The following NRIP3 variants were observed in gnomAD, a reference collection of about 807,000 sequenced individuals.
NRIP3 encodes the protein nuclear receptor interacting protein 3, also known as nuclear receptor-interacting protein 3.
NRIP3 carries 31 observed loss-of-function variants against 29.0 expected under a neutral mutation model. The ratio of observed to expected loss-of-function variants is 1.07; its 90% CI spans 0.80 to 1.44. The LOEUF (loss-of-function observed/expected upper bound fraction) is 1.44. Ranked by LOEUF, NRIP3 falls within the 40% of genes most tolerant of loss-of-function variation. The probability of loss-of-function intolerance (pLI) is 0.00; values close to 1 mark genes in which losing one functional copy is unlikely to be tolerated. For synonymous variants in NRIP3, 131 were observed against 118.3 expected (o/e 1.11, Z -0.70); for missense variants, 314 against 297.9 (o/e 1.05, Z -0.40).
At position 8,985,071 on chromosome 11, in the gene NRIP3, G is replaced by A. The variant is rs1050701919; in HGVS notation, c.562+640C>T. Among the ~76,000 whole-genome samples, 4 of 151,590 alleles carry A rather than the reference G, an allele frequency of 2.6e-5. 1 individual carries two copies. The highest frequency in any genetic ancestry group is 4.2e-4 in the South Asian group (2 of 4,810). Reference sequence around the variant, plus strand: ...TCTCCATGTTGGTCAGGCTGGTCTCGAACTCCCAACCTCAGGTGATCTGCC... The same window carrying A: ...TCTCCATGTTGGTCAGGCTGGTCTCAAACTCCCAACCTCAGGTGATCTGCC... On this transcript the variant is annotated intron_variant, in intron 4 of 6. Transcript: ENST00000309166.
rs1854451926 is a variant in NRIP3 at position 8,983,315 on chromosome 11, T to C, written c.*230A>G. The C allele has an allele frequency of 3.4e-6, 2 of 582,124 alleles. No individual in the cohort carries two copies. The highest frequency in any genetic ancestry group is 5.9e-5 in the East Asian group (2 of 34,122). The allele number at this position is 582,124 out of a possible 1,614,324, so 36.1% of individuals were successfully genotyped here. Reference sequence around the variant, plus strand: ...GACTGGCAGTGTCAAAAAAGGTCTATAAGTTAAGTGATCAAAGTAGTAAAA... The same window carrying C: ...GACTGGCAGTGTCAAAAAAGGTCTACAAGTTAAGTGATCAAAGTAGTAAAA... On this transcript the variant is annotated 3_prime_UTR_variant, in exon 7 of 7. Transcript: ENST00000309166.
At position 8,988,112 on chromosome 11, in the gene NRIP3, C is replaced by T. The variant is rs773105839; in HGVS notation, c.339+6G>A. On this transcript the variant is annotated splice_donor_region_variant and intron_variant, in intron 2 of 6. Transcript: ENST00000309166. Reference sequence around the variant, plus strand: ...AACCCTGGAAAAGCTGTTCTCAGAACATTACCTGGCAAGAAACCAAAATCA... The same window carrying T: ...AACCCTGGAAAAGCTGTTCTCAGAATATTACCTGGCAAGAAACCAAAATCA... The T allele has an allele frequency of 1.9e-6, 3 of 1,613,828 alleles. No homozygotes were observed. The highest frequency in any genetic ancestry group is 1.6e-4 in the Middle Eastern group (1 of 6,062).
chr11:8,992,330 G>A (rs1175980427), intron 1 of NRIP3, among the ~76,000 whole-genome samples: 1 of 152,194 alleles, frequency 6.6e-6, no homozygotes, highest in Non-Finnish European at 1.5e-5. Flanking sequence ...TAGGCTTTCA[G>A]ATTTCGAGAA....
chr11:8,991,414 A>G (rs1234446829), intron 1 of NRIP3, among the ~76,000 whole-genome samples: 1 of 152,248 alleles, frequency 6.6e-6, no homozygotes, highest in Non-Finnish European at 1.5e-5. Flanking sequence ...CAACAAACCC[A>G]TATGAACCTC....
intron 4 of NRIP3, 27 bp from the exon 5 acceptor site, chr11:8,984,151 AT>A: frequency 1.3e-6 from 2 of 1,534,186 alleles, no homozygotes; most frequent in African/African-American, 1.4e-5. Flanking sequence ...AATGATTAAG[AT>A]TTAGCCATTT....
intron 1 of NRIP3, among the ~76,000 whole-genome samples, chr11:8,995,343 T>C (rs945702087): frequency 2.0e-5 from 3 of 152,212 alleles, no homozygotes; most frequent in African/African-American, 7.2e-5. Context: ...GAGCATTACT[T>C]TTCTCCAAAC....
chr11:9,003,661 G>C (rs1479226483), intron 1 of NRIP3, 101 bp downstream of exon 1: 5 of 1,171,732 alleles, frequency 4.3e-6, no homozygotes, highest in Non-Finnish European at 5.6e-6. Flanking sequence ...GGGCAGCGGC[G>C]GGCCGGGCCG....
rs1419200196 is a variant in NRIP3, at chr11:8,995,449, GT to G, written c.175-7168del. Among the ~76,000 whole-genome samples, 15 of 152,302 alleles carry G rather than the reference GT, an allele frequency of 9.8e-5. No homozygotes were observed. In the South Asian group the frequency reaches 1.9e-3, roughly 19 times the overall value. ...AATTCCTTTCCAACAACCTTGGTAA[GT>G]GGCACCACCATACATCCATTCTTGA... On this transcript the variant is annotated intron_variant, in intron 1 of 6. Transcript: ENST00000309166.
intron 1 of NRIP3, among the ~76,000 whole-genome samples, chr11:9,002,191 C>A (rs1854815485): frequency 6.6e-6 from 1 of 152,200 alleles, no homozygotes; most frequent in Non-Finnish European, 1.5e-5. Flanking sequence ...TATTTTAATT[C>A]TTCTCTTAAT....
chr11:8,987,563 C>G lies in NRIP3; in HGVS notation c.407G>C (p.Cys136Ser). 4 of 1,613,848 alleles carry G rather than the reference C, an allele frequency of 2.5e-6. No individual in the cohort carries two copies. Among genetic ancestry groups the G allele is most frequent in the South Asian group, 1.1e-5 (1 of 91,072 alleles). The change falls in exon 3 of 7, where the codon TGT becomes TCT. Residue 136 changes from cysteine (C) to serine (S), a missense_variant. Cys to Ser is a moderately radical substitution (Grantham distance 112). Coordinates refer to ENST00000309166, the MANE Select transcript of NRIP3 (RefSeq NM_020645.3). Reference protein sequence around the residue: ...GCLYNLISLACVDRLGLKEHV... With the variant: ...GCLYNLISLASVDRLGLKEHV... ...GCCTACTTACCCCAATCTGTCCACA[C>G]AGGCCAAAGAGATGAGATTATATAG...
At chr11:8,996,606 T>C (rs776640658) in intron 1 of NRIP3, among the ~76,000 whole-genome samples, 5 of 152,186 alleles carry the variant, frequency 3.3e-5, no homozygotes, top group African/African-American at 4.8e-5. Context: ...ATTAATATCA[T>C]TGAATTCTTT....
chr11:9,001,420 GA>G (rs1318798505), intron 1 of NRIP3, among the ~76,000 whole-genome samples: 1 of 152,106 alleles, frequency 6.6e-6, no homozygotes, highest in African/African-American at 2.4e-5. Context: ...CTGGTATGAG[GA>G]AAAACAACCT....
intron 1 of NRIP3, among the ~76,000 whole-genome samples, chr11:8,988,845 C>T (rs2134913597): frequency 6.6e-6 from 1 of 152,314 alleles, no homozygotes; most frequent in East Asian, 1.9e-4. Context: ...TGGACTGAGT[C>T]ACCCATGGGT....
At chr11:8,993,796 G>A (rs1458703308) in intron 1 of NRIP3, among the ~76,000 whole-genome samples, 4 of 126,524 alleles carry the variant, frequency 3.2e-5, no homozygotes, top group African/African-American at 5.9e-5. Context: ...GCAACAAAGC[G>A]AGACCCTGCC....
chr11:8,984,323 C>G (rs894779178), intron 4 of NRIP3, among the ~76,000 whole-genome samples, 199 bp from the exon 5 acceptor site: 16 of 151,752 alleles, frequency 1.1e-4, no homozygotes, highest in African/African-American at 3.9e-4. Context: ...AGTGCAGTGG[C>G]GCAATCTCGG....
intron 1 of NRIP3, among the ~76,000 whole-genome samples, chr11:8,989,032 G>T (rs1854558959): frequency 6.6e-6 from 1 of 152,216 alleles, no homozygotes; most frequent in African/African-American, 2.4e-5. Flanking sequence ...GGCCCAAAAA[G>T]TGGAGGTATG....
In NRIP3 at chr11:8,984,057, T is replaced by A. The variant is rs1358280121; in HGVS notation, c.615+15A>T. 1.2e-6 allele frequency: 2 copies of A among 1,606,964 alleles called. No homozygotes were observed. The highest frequency in any genetic ancestry group is 2.7e-5 in the African/African-American group (2 of 74,780). ...CAGAGAGGAAGTATCAAGGGGTAAG[T>A]GGAGTCAATCTTACCTTCAGAGATC... On this transcript the variant is annotated intron_variant, in intron 5 of 6. Transcript: ENST00000309166.
chr11:9,002,206 TAC>T (rs1379818867), intron 1 of NRIP3, among the ~76,000 whole-genome samples: 3 of 152,224 alleles, frequency 2.0e-5, no homozygotes, highest in African/African-American at 7.2e-5. Flanking sequence ...CTTAATATAA[TAC>T]TTCCTTCTTT....
chr11:8,997,142 C>T lies in NRIP3; in HGVS notation c.174+6620G>A, dbSNP rs559297124. Reference sequence around the variant, plus strand: ...CTGTAATCCCAACACTTTGGGAGGCCGAGGCAGGTGGAGCACGAAGTCAGG... The same window carrying T: ...CTGTAATCCCAACACTTTGGGAGGCTGAGGCAGGTGGAGCACGAAGTCAGG... On this transcript the variant is annotated intron_variant, in intron 1 of 6. Transcript: ENST00000309166. 4.0e-5 allele frequency among the ~76,000 whole-genome samples: 6 copies of T among 151,664 alleles called. No individual in the cohort carries two copies. The South Asian group carries it at 1.0e-3, about 26-fold the overall frequency.
Sources: gnomAD v4.1 joint callset for allele counts (sites outside exome capture counted in the v4.1 genomes callset) on GRCh38, gnomAD v4.1.1 for gene constraint, MANE v1.5 for transcripts, NCBI Gene and HGNC (gene_info 2026-07-23, HGNC 2026-07-21) for gene names.